PACRG: variants seen among roughly 807,000 people sequenced by gnomAD.
PACRG encodes parkin coregulated.
In PACRG, 29 loss-of-function variants were observed where a neutral mutation model predicts 29.7. The ratio of observed to expected loss-of-function variants is 0.98; its 90% CI spans 0.73 to 1.33. PACRG has a LOEUF of 1.33. PACRG is among the 40% of genes most tolerant of loss of function. PACRG has a pLI of 0.00. For synonymous variants in PACRG, 116 were observed against 118.7 expected, an observed-to-expected ratio of 0.98 and a Z score of 0.15; for missense variants, 279 against 316.2, an observed-to-expected ratio of 0.88 and a Z score of 0.89.
chr6:163,146,929 C>T (rs147167258), intron 4 of PACRG, among the ~76,000 whole-genome samples: 3 of 152,326 alleles, frequency 2.0e-5, no homozygotes, highest in Non-Finnish European at 4.4e-5. Context: ...GGTCAGACCA[C>T]AGCATGTGGG....
At chr6:162,860,194 A>C (rs1440846770) in intron 2 of PACRG, among the ~76,000 whole-genome samples, 1 of 152,212 alleles carries the variant, frequency 6.6e-6, no homozygotes, top group East Asian at 1.9e-4. Flanking sequence ...TTTCCTCAAG[A>C]GGATAACTAA....
At chr6:162,746,350 A>C (rs1780983937) in intron 1 of PACRG, among the ~76,000 whole-genome samples, 1 of 152,208 alleles carries the variant, frequency 6.6e-6, no homozygotes, top group Admixed American at 6.5e-5. Context: ...TGAGCACAAA[A>C]ATTTTTTGAA....
intron 2 of PACRG, among the ~76,000 whole-genome samples, chr6:162,825,316 G>C (rs1312374946): frequency 6.6e-6 from 1 of 152,092 alleles, no homozygotes; most frequent in Non-Finnish European, 1.5e-5. Flanking sequence ...AAGACTTCTG[G>C]AGTCATGATT....
intron 4 of PACRG, among the ~76,000 whole-genome samples, chr6:163,278,136 A>T (rs536720869): frequency 6.6e-6 from 1 of 152,096 alleles, no homozygotes; most frequent in East Asian, 1.9e-4. Flanking sequence ...ATATATCTTC[A>T]TTTGAGAATT....
chr6:163,013,121 T>G (rs1209154577), intron 2 of PACRG, among the ~76,000 whole-genome samples: 4 of 151,938 alleles, frequency 2.6e-5, no homozygotes, highest in African/African-American at 9.7e-5. Context: ...TATTATGTTT[T>G]CCTGTTTGTT....
chr6:162,849,821 T>A (rs1790709127), intron 2 of PACRG, among the ~76,000 whole-genome samples: 1 of 152,224 alleles, frequency 6.6e-6, no homozygotes, highest in Non-Finnish European at 1.5e-5. Flanking sequence ...CTGTTTGCCA[T>A]TTGACAGTAA....
At chr6:162,799,724 T>C (rs1482431348) in intron 1 of PACRG, among the ~76,000 whole-genome samples, 1 of 152,082 alleles carries the variant, frequency 6.6e-6, no homozygotes. Context: ...TTCTGGAGAA[T>C]TTCAGTTTGC....
intron 4 of PACRG, among the ~76,000 whole-genome samples, chr6:163,091,949 A>T (rs188336531): frequency 1.8e-4 from 28 of 152,346 alleles, no homozygotes; most frequent in Admixed American, 9.8e-4. Context: ...GAAAAAACTC[A>T]TCCTAAATTT....
intron 2 of PACRG, among the ~76,000 whole-genome samples, chr6:162,825,732 G>A (rs527816483): frequency 4.6e-5 from 7 of 152,118 alleles, no homozygotes; most frequent in South Asian, 2.1e-4. Context: ...GGAGGCCCTC[G>A]CGGCCTGGGT....
chr6:163,203,680 C>T (rs1413552804), intron 4 of PACRG, among the ~76,000 whole-genome samples: 4 of 152,288 alleles, frequency 2.6e-5, no homozygotes, highest in South Asian at 4.1e-4. Flanking sequence ...AAATTCTGAG[C>T]TTATTAAAAT....
chr6:162,936,980 G>A (rs1798279366), intron 2 of PACRG, among the ~76,000 whole-genome samples: 1 of 152,018 alleles, frequency 6.6e-6, no homozygotes, highest in Non-Finnish European at 1.5e-5. Flanking sequence ...ATTTGAAAAA[G>A]GATACTTTTC....
At chr6:163,312,641 C>T (rs766130457) in intron 4 of PACRG, 7 of 272,792 alleles carry the variant, frequency 2.6e-5, no homozygotes, top group Non-Finnish European at 5.1e-5. Flanking sequence ...AAATGCATAT[C>T]CATTTACATG....
intron 4 of PACRG, among the ~76,000 whole-genome samples, chr6:163,174,160 C>T (rs144932481): frequency 6.6e-6 from 1 of 152,290 alleles, no homozygotes; most frequent in Non-Finnish European, 1.5e-5. Context: ...CCCTGGGCCA[C>T]ATTAGAAGAA....
chr6:163,102,319 TA>T (rs2128314479), intron 4 of PACRG, among the ~76,000 whole-genome samples: 1 of 152,308 alleles, frequency 6.6e-6, no homozygotes, highest in African/African-American at 2.4e-5. Context: ...TTGAGGTTGC[TA>T]AATGGCAAAA....
chr6:163,085,408 A>G (rs919788900), intron 3 of PACRG, among the ~76,000 whole-genome samples: 1 of 152,208 alleles, frequency 6.6e-6, no homozygotes, highest in Admixed American at 6.5e-5. Context: ...TGTTTGGTTG[A>G]TAAGGCAAGG....
intron 4 of PACRG, among the ~76,000 whole-genome samples, chr6:163,216,449 A>T (rs1403463463): frequency 6.6e-6 from 1 of 152,256 alleles, no homozygotes; most frequent in East Asian, 1.9e-4. Context: ...AAGAAAAACG[A>T]AGAGGAACAC....
chr6:163,231,172 G>A (rs750066657), intron 4 of PACRG, among the ~76,000 whole-genome samples: 1 of 152,194 alleles, frequency 6.6e-6, no homozygotes, highest in Non-Finnish European at 1.5e-5. Context: ...GGGAGCCGTG[G>A]CTTGCTGGCT....
At chr6:162,938,047 C>T (rs1360840296) in intron 2 of PACRG, among the ~76,000 whole-genome samples, 1 of 152,134 alleles carries the variant, frequency 6.6e-6, no homozygotes, top group Non-Finnish European at 1.5e-5. Context: ...TCCCTCACCC[C>T]CTTCCCATCC....
intron 2 of PACRG, among the ~76,000 whole-genome samples, chr6:162,973,933 A>G (rs917301140): frequency 1.3e-5 from 2 of 152,182 alleles, no homozygotes; most frequent in Admixed American, 6.5e-5. Context: ...AGACAAGGAA[A>G]CAAGCCCCAA....
Sources: allele counts gnomAD v4.1 joint callset (sites outside exome capture counted in the v4.1 genomes callset), GRCh38; gene constraint gnomAD v4.1.1; transcripts MANE v1.5; gene names NCBI Gene and HGNC (gene_info 2026-07-23, HGNC 2026-07-21).